Variants in EPS15L1 observed in about 807,000 individuals in gnomAD.
EPS15L1 encodes the protein epidermal growth factor receptor pathway substrate 15 like 1, also known as epidermal growth factor receptor substrate 15-like 1.
In EPS15L1, 43 loss-of-function variants were observed where a neutral mutation model predicts 117.1. The ratio of observed to expected loss-of-function variants is 0.37; its 90% CI spans 0.29 to 0.47. EPS15L1 has a LOEUF of 0.47. Among genes scored for constraint, EPS15L1 ranks in the 20% least tolerant of loss-of-function variants. The probability of loss-of-function intolerance (pLI) is 0.99; values close to 1 mark genes in which losing one functional copy is unlikely to be tolerated. For missense variants in EPS15L1, 981 were observed against 1,164.0 expected (o/e 0.84, Z 2.29); for synonymous variants, 459 against 470.5 (o/e 0.98, Z 0.32).
At chr19:16,417,923 C>T (rs1313372315) in intron 11 of EPS15L1, 25 bp downstream of exon 11, 1 of 1,604,218 alleles carries the variant, frequency 6.2e-7, no homozygotes, top group East Asian at 2.2e-5. Flanking sequence ...GTCAATACCC[C>T]CAGGGCATGA....
At chr19:16,413,626 A>C (rs1599605780) in intron 13 of EPS15L1, 147 bp downstream of exon 13, 7 of 780,808 alleles carry the variant, frequency 9.0e-6, no homozygotes, top group East Asian at 2.5e-5. Context: ...AAAAAAAAAA[A>C]CAAAAACTTC....
At chr19:16,389,465 T>TA (rs1277239559) in intron 19 of EPS15L1, among the ~76,000 whole-genome samples, 4 of 151,616 alleles carry the variant, frequency 2.6e-5, no homozygotes, top group Admixed American at 2.0e-4. Context: ...AAACTAAAAA[T>TA]AAAAAAATGA....
At chr19:16,384,691 G>A (rs909429192) in intron 21 of EPS15L1, among the ~76,000 whole-genome samples, 11 of 152,138 alleles carry the variant, frequency 7.2e-5, no homozygotes, top group Admixed American at 2.0e-4. Flanking sequence ...CAAGGAGGCC[G>A]GCCCTCACTT....
In EPS15L1 at chr19:16,437,775, T is replaced by C. The variant is rs1244673161; in HGVS notation, c.304A>G (p.Lys102Glu). 5 of 1,613,630 alleles carry C rather than the reference T, an allele frequency of 3.1e-6. No individual in the cohort carries two copies. The highest frequency in any genetic ancestry group is 3.4e-6 in the Non-Finnish European group (4 of 1,179,694). Residue 102 changes from lysine (K) to glutamate (E), a missense_variant, in exon 5 of 24, where the codon AAA becomes GAA. Lys to Glu is a moderately conservative substitution (Grantham distance 56, BLOSUM62 1). Transcript: ENST00000455140. The part of the protein sequence containing the change: ...SNLNLSMPPP[K>E]FHDTSSPLMV... The stretch of plus-strand genomic sequence containing the variant: ...TGAAGGACTTGGACACTCACAAATT[T>C]AGGCGGTGGCATGCTCAAATTCAGA...
At chr19:16,445,572 C>A (rs918778246) in intron 1 of EPS15L1, among the ~76,000 whole-genome samples, 1 of 152,190 alleles carries the variant, frequency 6.6e-6, no homozygotes, top group African/African-American at 2.4e-5. Context: ...TATGTCATTG[C>A]GACAGAACTG....
intron 1 of EPS15L1, among the ~76,000 whole-genome samples, chr19:16,446,772 T>C (rs932283830): frequency 4.6e-5 from 7 of 152,164 alleles, no homozygotes; most frequent in African/African-American, 1.7e-4. Context: ...CGTGATGACG[T>C]GCTGGAGCAT....
chr19:16,371,887 G>C lies in EPS15L1; in HGVS notation c.2380+5235C>G, dbSNP rs1321988167. Among the ~76,000 whole-genome samples, 1 of 152,236 alleles carries C rather than the reference G, an allele frequency of 6.6e-6. No individual in the cohort carries two copies. The highest frequency in any genetic ancestry group is 1.9e-4 in the East Asian group (1 of 5,208). On this transcript the variant is annotated intron_variant, in intron 22 of 23. Transcript: ENST00000455140. The surrounding 1 kb of genome is among the most constrained non-coding windows in gnomAD (Gnocchi z 4.7). ...AAAATATACCATTGTTTACCTGGGG[G>C]AGGTGTGTGCCACGGCTAACTTTAA...
At chr19:16,427,153 G>T (rs562246340) in intron 8 of EPS15L1, among the ~76,000 whole-genome samples, 7 of 152,274 alleles carry the variant, frequency 4.6e-5, no homozygotes, top group African/African-American at 1.7e-4. Context: ...TGGGAAATTT[G>T]ACTGAAGAGT....
intron 13 of EPS15L1, chr19:16,413,273 G>A (rs1041061778): frequency 1.6e-4 from 103 of 652,206 alleles, no homozygotes; most frequent in Non-Finnish European, 6.1e-5. Context: ...CTGTGCTGGT[G>A]TAACTCATCC....
chr19:16,419,332 G>A (rs60231018), intron 10 of EPS15L1, among the ~76,000 whole-genome samples: 13,946 of 152,178 alleles, frequency 0.092, 1,198 homozygotes, highest in East Asian at 0.27. Flanking sequence ...GGTGGCGCGC[G>A]CCTGTAATCC....
intron 8 of EPS15L1, among the ~76,000 whole-genome samples, chr19:16,427,138 G>T (rs2092880411): frequency 6.6e-6 from 1 of 152,162 alleles, no homozygotes; most frequent in African/African-American, 2.4e-5. Flanking sequence ...GGAAATTAGT[G>T]ACACTGGGAA....
intron 9 of EPS15L1, among the ~76,000 whole-genome samples, chr19:16,421,691 A>T (rs2092815261): frequency 6.6e-6 from 1 of 152,102 alleles, no homozygotes. Context: ...AAGCTCACCC[A>T]GATGCCAGTC....
rs1170364152 is a variant in EPS15L1 at position 16,428,460 on chromosome 19, CAGAG to C, written c.558+238_558+241del. On this transcript the variant is annotated intron_variant, in intron 8 of 23. Coordinates refer to ENST00000455140, the MANE Select transcript of EPS15L1 (RefSeq NM_001258374.3). ...GGAAGGAAGGAGGGAGGGAGGGAGA[CAGAG>C]AGAGGAGAGAGGGAGAGAGGGAGGG... 5.5e-4 allele frequency among the ~76,000 whole-genome samples: 47 copies of C among 85,162 alleles called. 1 individual carries two copies. The Admixed American group carries it at 5.5e-3, about 10-fold the overall frequency. 55.9% of individuals were successfully genotyped at this position (85,162 alleles called of 152,430 possible). A position where few individuals can be genotyped will look rare whatever the true frequency, so the allele number is the denominator to read the frequency against.
chr19:16,393,339 T>C (rs2092501051), intron 18 of EPS15L1, among the ~76,000 whole-genome samples: 1 of 151,790 alleles, frequency 6.6e-6, no homozygotes, highest in South Asian at 2.1e-4. Flanking sequence ...TTATGTTACA[T>C]AAATTTCACC....
chr19:16,357,467 T>C (rs543447206), intron 23 of EPS15L1: 10 of 152,494 alleles, frequency 6.6e-5, no homozygotes, highest in African/African-American at 2.2e-4. Context: ...TGGAGGCTCC[T>C]TGGGCGAGCG....
In EPS15L1 at chr19:16,363,677, C is replaced by A. The variant is rs575621152; in HGVS notation, c.2381-1693G>T. Among the ~76,000 whole-genome samples, 32 of 152,298 alleles carry A rather than the reference C, an allele frequency of 2.1e-4. No homozygotes were observed. In the South Asian group the frequency reaches 5.4e-3, roughly 26 times the overall value. ...TGAAGTGGAAATGAGAAGGAGGGCG[C>A]CAAACAAGGTGACATTCCTGGGGTC... On this transcript the variant is annotated intron_variant, in intron 22 of 23. Transcript: ENST00000455140.
At chr19:16,391,676 C>T (rs1434679846) in intron 19 of EPS15L1, among the ~76,000 whole-genome samples, 1 of 147,370 alleles carries the variant, frequency 6.8e-6, no homozygotes, top group Non-Finnish European at 1.5e-5. Context: ...TTAACCCAAT[C>T]TCTTGGGCAT....
rs946597106 is a variant in EPS15L1 at position 16,471,958 on chromosome 19, T to C, written c.-13A>G. On this transcript the variant is annotated 5_prime_UTR_variant, in exon 1 of 24. Transcript: ENST00000455140. This position sits in a 1 kb window ranked among gnomAD's most constrained non-coding sequence, Gnocchi z 4.8. ...GCGGCGCCGCCATCTTCCCGCGGAC[T>C]CGGGCTCCGAGCGCCGGGGGAACGG... 13 of 1,284,024 alleles carry C rather than the reference T, an allele frequency of 1.0e-5. No homozygotes were observed. The highest frequency in any genetic ancestry group is 1.2e-5 in the Non-Finnish European group (12 of 1,016,608). 79.5% of individuals were successfully genotyped at this position (1,284,024 alleles called of 1,614,324 possible).
At chr19:16,393,079 TAA>T (rs1195380474) in intron 18 of EPS15L1, among the ~76,000 whole-genome samples, 82 of 1,938 alleles carry the variant, frequency 0.042, no homozygotes, top group Non-Finnish European at 0.42. Context: ...GAGCTGGATA[TAA>T]TAATAATAAT....
Sources: gnomAD v4.1 joint callset for allele counts (sites outside exome capture counted in the v4.1 genomes callset) on GRCh38, gnomAD v4.1.1 for gene constraint, Gnocchi (gnomAD v3.1) non-coding constraint, MANE v1.5 for transcripts, NCBI Gene and HGNC (gene_info 2026-07-23, HGNC 2026-07-21) for gene names.